Variants in TNFAIP6 observed in about 807,000 individuals in gnomAD.
TNFAIP6 encodes tumor necrosis factor-inducible gene 6 protein.
TNFAIP6 carries 36 observed loss-of-function variants against 33.7 expected under a neutral mutation model. That is an observed-to-expected ratio of 1.07 (90% confidence interval 0.82 to 1.41). The LOEUF is 1.41. TNFAIP6 is among the 40% of genes most tolerant of loss of function. TNFAIP6 has a pLI of 0.00. For synonymous variants in TNFAIP6, 113 were observed against 112.8 expected (o/e 1.00, Z -0.01); for missense variants, 273 against 331.9 (o/e 0.82, Z 1.38).
At chr2:151,369,581 C>T (rs1684776553) in intron 3 of TNFAIP6, among the ~76,000 whole-genome samples, 1 of 152,066 alleles carries the variant, frequency 6.6e-6, no homozygotes, top group African/African-American at 2.4e-5. Flanking sequence ...CAATACCAGC[C>T]TGGGCAACAT....
rs1250068848 is a variant in TNFAIP6 at position 151,370,046 on chromosome 2, G to A, written c.421G>A (p.Asp141Asn). 6.2e-7 allele frequency: 1 copy of A among 1,613,932 alleles called. No individual in the cohort carries two copies. Among genetic ancestry groups the A allele is most frequent in the Admixed American group, 1.7e-5 (1 of 59,990 alleles). ...AAAGGAGTGTGGTGGCGTCTTTACA[G>A]ATCCAAAGCAAATTTTTAAATCTCC... is the stretch of plus-strand genomic sequence containing the variant. ...HAKECGGVFT[D>N]PKQIFKSPGF... The change falls in exon 4 of 6, where the codon GAT becomes AAT. Residue 141 changes from aspartate to asparagine, a missense_variant. Asp to Asn is a conservative substitution (Grantham distance 23, BLOSUM62 1). Transcript: ENST00000243347.
At chr2:151,363,411 ACTTTGGGAG>A (rs1684660259) in intron 1 of TNFAIP6, among the ~76,000 whole-genome samples, 1 of 151,894 alleles carries the variant, frequency 6.6e-6, no homozygotes, top group Admixed American at 6.6e-5. Context: ...TAATCCCAGC[ACTTTGGGAG>A]GCCGAGGCGG....
At chr2:151,373,271 C>T (rs1022207739) in intron 4 of TNFAIP6, among the ~76,000 whole-genome samples, 4 of 151,978 alleles carry the variant, frequency 2.6e-5, no homozygotes, top group Non-Finnish European at 4.4e-5. Flanking sequence ...GCCGAGACTG[C>T]GCCACTGCAC....
chr2:151,375,578 C>CA (rs1427978973), intron 5 of TNFAIP6, among the ~76,000 whole-genome samples: 2 of 151,978 alleles, frequency 1.3e-5, no homozygotes, highest in Admixed American at 1.3e-4. Flanking sequence ...TGCAGTGGCA[C>CA]ACGCCTGTAG....
chr2:151,378,491 CT>C (rs35086162), intron 5 of TNFAIP6, among the ~76,000 whole-genome samples: 22,371 of 142,540 alleles, frequency 0.16, 1,664 homozygotes, highest in African/African-American at 0.2. Flanking sequence ...AGAGTATCTT[CT>C]TTTTTTTTTT....
intron 3 of TNFAIP6, among the ~76,000 whole-genome samples, chr2:151,367,532 C>A (rs1419509571): frequency 6.6e-6 from 1 of 152,112 alleles, no homozygotes; most frequent in Admixed American, 6.6e-5. Context: ...GATCTCTGAG[C>A]TTCCACTGGA....
chr2:151,371,278 A>C (rs1684811528), intron 4 of TNFAIP6, among the ~76,000 whole-genome samples: 1 of 152,216 alleles, frequency 6.6e-6, no homozygotes, highest in East Asian at 1.9e-4. Flanking sequence ...TGAGTGTCTT[A>C]TGATATATTG....
At chr2:151,360,678 C>A (rs1684611506) in intron 1 of TNFAIP6, among the ~76,000 whole-genome samples, 1 of 152,118 alleles carries the variant, frequency 6.6e-6, no homozygotes, top group African/African-American at 2.4e-5. Context: ...CAAGAGTTCT[C>A]TATTTGTTCA....
Position 151,379,621 on chromosome 2 carries a change from A to G in TNFAIP6, c.*88A>G, listed in dbSNP as rs1684980550. The G allele has an allele frequency of 1.0e-6, 1 of 965,948 alleles. No individual in the cohort carries two copies. The highest frequency in any genetic ancestry group is 3.7e-5 in the Admixed American group (1 of 26,820). 59.8% of individuals were successfully genotyped at this position (965,948 alleles called of 1,614,324 possible). ...GATCTCACTGTTATTATTAACATTTATTTATTATTTTTCTAAATGTGAAAG... is the reference window on the plus strand; with the variant it reads ...GATCTCACTGTTATTATTAACATTTGTTTATTATTTTTCTAAATGTGAAAG... On this transcript the variant is annotated 3_prime_UTR_variant, in exon 6 of 6. Transcript: ENST00000243347.
chr2:151,371,428 T>A (rs945485066), intron 4 of TNFAIP6, among the ~76,000 whole-genome samples: 1 of 152,134 alleles, frequency 6.6e-6, no homozygotes, highest in Admixed American at 6.6e-5. Context: ...GGGGAAAAAA[T>A]TGTAATGGGG....
chr2:151,358,901 T>C (rs951840987), intron 1 of TNFAIP6, among the ~76,000 whole-genome samples: 1 of 152,198 alleles, frequency 6.6e-6, no homozygotes, highest in Non-Finnish European at 1.5e-5. Context: ...CAGTCAAATA[T>C]AGGAAATACA....
chr2:151,366,417 T>G (rs749997782), intron 3 of TNFAIP6, among the ~76,000 whole-genome samples, 200 bp downstream of exon 3: 5 of 152,214 alleles, frequency 3.3e-5, no homozygotes, highest in Non-Finnish European at 7.3e-5. Context: ...AACTTAATAT[T>G]CACAATAATT....
chr2:151,357,870 CAAAGAA>C lies in TNFAIP6; in HGVS notation c.94+113_94+118del, dbSNP rs561994775. The C allele has an allele frequency of 5.1e-4, 313 of 613,782 alleles. 2 individuals are homozygous for C. The South Asian group carries it at 7.1e-3, about 14-fold the overall frequency. 38.0% of individuals were successfully genotyped at this position (613,782 alleles called of 1,614,324 possible). On this transcript the variant is annotated intron_variant, in intron 1 of 5. Transcript: ENST00000243347. ...CTATTCTGTACAAGGCTGATGTTCT[CAAAGAA>C]AATGCTTAGGAAAGATAGCCTTTGG... is the stretch of plus-strand genomic sequence containing the variant.
intron 3 of TNFAIP6, among the ~76,000 whole-genome samples, chr2:151,368,088 T>C (rs1195913681): frequency 6.6e-6 from 1 of 152,024 alleles, no homozygotes; most frequent in Non-Finnish European, 1.5e-5. Flanking sequence ...ATGGAACAAC[T>C]CGCTCCTAAA....
chr2:151,359,667 C>T (rs753001514), intron 1 of TNFAIP6, among the ~76,000 whole-genome samples: 5 of 152,128 alleles, frequency 3.3e-5, no homozygotes, highest in East Asian at 1.9e-4. Flanking sequence ...GGATTATAGG[C>T]GTGAGCCACC....
chr2:151,373,523 T>C (rs1168406873), intron 4 of TNFAIP6, 26 bp from the exon 5 acceptor site: 2 of 1,479,712 alleles, frequency 1.4e-6, no homozygotes, highest in South Asian at 1.3e-5. Flanking sequence ...TTGTGTGACA[T>C]CTCTTTTCTA....
chr2:151,360,833 A>G (rs1161872096), intron 1 of TNFAIP6, among the ~76,000 whole-genome samples: 1 of 152,162 alleles, frequency 6.6e-6, no homozygotes, highest in Non-Finnish European at 1.5e-5. Flanking sequence ...GTAGGTACCA[A>G]AAGTTTAAGA....
chr2:151,378,157 T>C (rs1277455847), intron 5 of TNFAIP6, among the ~76,000 whole-genome samples: 3 of 152,146 alleles, frequency 2.0e-5, no homozygotes, highest in Non-Finnish European at 4.4e-5. Context: ...GCACAGGAGC[T>C]TGAGACCAGC....
rs747062393 is a variant in TNFAIP6 at position 151,379,500 on chromosome 2, A to G, written c.801A>G (p.Lys267=). The change falls in exon 6 of 6, where the codon AAA becomes AAG. Residue 267 remains lysine (K), a synonymous_variant. Transcript: ENST00000243347. ...CAAGTACTACTTCTACTGGAAATAA[A>G]AACTTTTTAGCTGGAAGATTTAGCC... The part of the protein sequence containing the change: ...KNTSTTSTGN[K]NFLAGRFSHL The G allele has an allele frequency of 3.7e-5, 58 of 1,582,806 alleles. No individual in the cohort carries two copies. In the South Asian group the frequency reaches 6.3e-4, roughly 17 times the overall value.
Sources: gnomAD v4.1 joint callset for allele counts (sites outside exome capture counted in the v4.1 genomes callset) on GRCh38, gnomAD v4.1.1 for gene constraint, MANE v1.5 for transcripts, NCBI Gene and HGNC (gene_info 2026-07-23, HGNC 2026-07-21) for gene names.